KCNS3: variants seen among roughly 807,000 people sequenced by gnomAD.
KCNS3 encodes delayed-rectifier potassium channel regulatory subunit KCNS3.
A neutral mutation model predicts 31.0 loss-of-function variants in KCNS3; 13 were observed. That is an observed-to-expected ratio of 0.42 (90% CI 0.27 to 0.67). The LOEUF (loss-of-function observed/expected upper bound fraction) is 0.67. Among genes scored for constraint, KCNS3 ranks in the 30% least tolerant of loss-of-function variants. The pLI is 0.25. For synonymous variants in KCNS3, 238 were observed against 241.5 expected (o/e 0.99, Z 0.13); for missense variants, 545 against 622.4 (o/e 0.88, Z 1.32).
At position 17,914,913 on chromosome 2, in the gene KCNS3, C is replaced by T. The variant is rs142303274; in HGVS notation, c.-251-2767C>T. 4.6e-5 allele frequency among the ~76,000 whole-genome samples: 7 copies of T among 152,280 alleles called. No homozygotes were observed. The East Asian group carries it at 1.2e-3, about 25-fold the overall frequency. On this transcript the variant is annotated intron_variant, in intron 1 of 2. Transcript: ENST00000304101. ...CAACCTTACTCCTATGATTCTGAGACCTGGGAGAATGGTGCAGGGAGTCAT... is the reference window on the plus strand; with the variant it reads ...CAACCTTACTCCTATGATTCTGAGATCTGGGAGAATGGTGCAGGGAGTCAT...
intron 1 of KCNS3, among the ~76,000 whole-genome samples, chr2:17,905,226 C>T (rs7568363): frequency 0.92 from 139,493 of 152,248 alleles, 64,084 homozygotes; most frequent in East Asian, 0.99. Flanking sequence ...GAAGCAAGTG[C>T]GAATGGGACT....
intron 1 of KCNS3, among the ~76,000 whole-genome samples, chr2:17,880,851 C>T (rs1674630738): frequency 6.6e-6 from 1 of 152,168 alleles, no homozygotes; most frequent in Non-Finnish European, 1.5e-5. Flanking sequence ...GGGTTTTGCC[C>T]TTCACTGTAA....
At chr2:17,920,750 C>T (rs953093709) in intron 2 of KCNS3, among the ~76,000 whole-genome samples, 1 of 152,138 alleles carries the variant, frequency 6.6e-6, no homozygotes, top group African/African-American at 2.4e-5. Context: ...ACTTTGTGGC[C>T]AATGCCACTG....
chr2:17,929,532 C>T (rs907501682), intron 2 of KCNS3, among the ~76,000 whole-genome samples: 1 of 152,248 alleles, frequency 6.6e-6, no homozygotes, highest in Non-Finnish European at 1.5e-5. Flanking sequence ...CACCAGGCTC[C>T]ACCTGCAACA....
intron 2 of KCNS3, among the ~76,000 whole-genome samples, chr2:17,920,597 C>T (rs1389710477): frequency 6.6e-6 from 1 of 152,208 alleles, no homozygotes; most frequent in East Asian, 1.9e-4. Flanking sequence ...ATCTTATAAA[C>T]ACCAAGAGGG....
At chr2:17,908,871 C>CT (rs1201863047) in intron 1 of KCNS3, among the ~76,000 whole-genome samples, 5 of 152,232 alleles carry the variant, frequency 3.3e-5, no homozygotes, top group African/African-American at 1.2e-4. Context: ...TCTGCCCCTA[C>CT]TGGGGGGTGC....
chr2:17,928,174 A>ATAGTTCT lies in KCNS3; in HGVS notation c.-59-2774_-59-2768dup, dbSNP rs751803011. 2.4e-4 allele frequency among the ~76,000 whole-genome samples: 37 copies of ATAGTTCT among 152,264 alleles called. No homozygotes were observed. In the South Asian group the frequency reaches 2.9e-3, roughly 12 times the overall value. ...ATATGATTGATCATAGTATTCCTTT[A>ATAGTTCT]TAGTTCTTTTCATTATGTAAGGTCA... On this transcript the variant is annotated intron_variant, in intron 2 of 2. Transcript: ENST00000304101.
At chr2:17,919,036 T>C (rs1363493607) in intron 2 of KCNS3, among the ~76,000 whole-genome samples, 2 of 152,226 alleles carry the variant, frequency 1.3e-5, no homozygotes, top group Non-Finnish European at 2.9e-5. Context: ...TTTTCCTGTT[T>C]CTGTTTGAAA....
At chr2:17,895,699 G>T (rs1339276160) in intron 1 of KCNS3, among the ~76,000 whole-genome samples, 1 of 152,178 alleles carries the variant, frequency 6.6e-6, no homozygotes, top group Non-Finnish European at 1.5e-5. Flanking sequence ...GTAGCATTAG[G>T]TGCGTGTATG....
chr2:17,885,550 T>A (rs1213202295), intron 1 of KCNS3, among the ~76,000 whole-genome samples: 1 of 152,174 alleles, frequency 6.6e-6, no homozygotes, highest in African/African-American at 2.4e-5. Context: ...GAGCCAACAC[T>A]CCACTTCAAG....
At chr2:17,925,565 G>A (rs1662820564) in intron 2 of KCNS3, among the ~76,000 whole-genome samples, 1 of 152,196 alleles carries the variant, frequency 6.6e-6, no homozygotes, top group Non-Finnish European at 1.5e-5. Flanking sequence ...AATCATGGTG[G>A]AAGGGGAAGA....
At chr2:17,904,027 C>G (rs938633225) in intron 1 of KCNS3, among the ~76,000 whole-genome samples, 1 of 152,072 alleles carries the variant, frequency 6.6e-6, no homozygotes, top group African/African-American at 2.4e-5. Context: ...CCTGAGGAGT[C>G]GCCACACTGA....
intron 1 of KCNS3, among the ~76,000 whole-genome samples, chr2:17,884,929 G>GT (rs1294690972): frequency 1.2e-4 from 11 of 89,958 alleles, no homozygotes; most frequent in Admixed American, 3.8e-4. Flanking sequence ...GTCCTTCCCT[G>GT]TTGTTTTTTT....
At chr2:17,895,008 A>G (rs1661989132) in intron 1 of KCNS3, among the ~76,000 whole-genome samples, 1 of 152,154 alleles carries the variant, frequency 6.6e-6, no homozygotes, top group South Asian at 2.1e-4. Context: ...TCATTATTTT[A>G]TAATTTTTTT....
At chr2:17,918,468 C>T (rs1662638774) in intron 2 of KCNS3, among the ~76,000 whole-genome samples, 1 of 152,198 alleles carries the variant, frequency 6.6e-6, no homozygotes, top group African/African-American at 2.4e-5. Context: ...GTAGCCTCTG[C>T]CTCTTAGACA....
At chr2:17,911,820 C>T (rs1202447788) in intron 1 of KCNS3, among the ~76,000 whole-genome samples, 1 of 152,164 alleles carries the variant, frequency 6.6e-6, no homozygotes, top group African/African-American at 2.4e-5. Context: ...GGAGTTGTCA[C>T]TTAATAGCTG....
intron 1 of KCNS3, among the ~76,000 whole-genome samples, chr2:17,884,981 T>A (rs1032100476): frequency 2.6e-5 from 4 of 151,346 alleles, no homozygotes; most frequent in Middle Eastern, 3.4e-3. Context: ...ATAATTTTTT[T>A]AAAAATGCAG....
chr2:17,918,410 G>C (rs1286411532), intron 2 of KCNS3, among the ~76,000 whole-genome samples: 1 of 152,226 alleles, frequency 6.6e-6, no homozygotes, highest in Non-Finnish European at 1.5e-5. Context: ...AAGACGGAAT[G>C]ATATGTCTAT....
chr2:17,928,585 G>A (rs965402412), intron 2 of KCNS3, among the ~76,000 whole-genome samples: 1 of 151,634 alleles, frequency 6.6e-6, no homozygotes, highest in Non-Finnish European at 1.5e-5. Flanking sequence ...TTCGTTGATT[G>A]TTTTAAATGA....
Sources: gnomAD v4.1 joint callset for allele counts (sites outside exome capture counted in the v4.1 genomes callset) on GRCh38, gnomAD v4.1.1 for gene constraint, MANE v1.5 for transcripts, NCBI Gene and HGNC (gene_info 2026-07-23, HGNC 2026-07-21) for gene names.